CA10: variants seen among roughly 807,000 people sequenced by gnomAD.
CA10 encodes the protein carbonic anhydrase 10 (inactive), also known as carbonic anhydrase-related protein 10.
A neutral mutation model predicts 44.2 loss-of-function variants in CA10; 14 were observed. The ratio of observed to expected loss-of-function variants is 0.32; its 90% CI spans 0.21 to 0.50. The LOEUF (loss-of-function observed/expected upper bound fraction) is 0.50, where lower values mean the gene tolerates loss of function less well. Among genes scored for constraint, CA10 ranks in the 20% least tolerant of loss-of-function variants. The probability of loss-of-function intolerance (pLI) is 0.99; values close to 1 mark genes in which losing one functional copy is unlikely to be tolerated. For missense variants in CA10, 350 were observed against 409.7 expected (o/e 0.85, Z 1.26); for synonymous variants, 159 against 141.6 (o/e 1.12, Z -0.87).
chr17:51,894,376 C>A (rs1002749115), intron 3 of CA10, among the ~76,000 whole-genome samples: 2 of 152,072 alleles, frequency 1.3e-5, no homozygotes, highest in East Asian at 1.9e-4. Context: ...AGAGTGGGCA[C>A]TAGCATTAAA....
chr17:51,826,328 G>A (rs1023157925), intron 3 of CA10, among the ~76,000 whole-genome samples: 2 of 152,170 alleles, frequency 1.3e-5, no homozygotes, highest in Admixed American at 6.5e-5. Context: ...GGTTGGTTCC[G>A]GGAAATTCTG....
intron 3 of CA10, among the ~76,000 whole-genome samples, chr17:51,821,515 C>T (rs1313698552): frequency 6.6e-6 from 1 of 152,006 alleles, no homozygotes; most frequent in East Asian, 1.9e-4. Context: ...ATTACCAGCT[C>T]TCCCCAGAAC....
At chr17:51,881,196 C>T (rs575950060) in intron 3 of CA10, among the ~76,000 whole-genome samples, 2 of 146,402 alleles carry the variant, frequency 1.4e-5, no homozygotes, top group Admixed American at 1.4e-4. Context: ...GCCGAGATCA[C>T]GCCACTGCAC....
intron 4 of CA10, among the ~76,000 whole-genome samples, chr17:51,731,414 T>A (rs1303620357): frequency 6.6e-6 from 1 of 152,028 alleles, no homozygotes; most frequent in Admixed American, 6.6e-5. Context: ...GGTCAATGAG[T>A]AATCTGGAAC....
At chr17:51,693,206 G>T (rs1049183302) in intron 4 of CA10, among the ~76,000 whole-genome samples, 1 of 152,064 alleles carries the variant, frequency 6.6e-6, no homozygotes, top group African/African-American at 2.4e-5. Context: ...ACCAGTTTCA[G>T]TTGGCTTCAG....
intron 2 of CA10, among the ~76,000 whole-genome samples, chr17:52,053,321 G>A (rs1428504911): frequency 1.3e-5 from 2 of 151,848 alleles, no homozygotes; most frequent in Admixed American, 1.3e-4. Context: ...TTTAAAACAG[G>A]AACAAATAGA....
chr17:51,794,249 C>T (rs1364074222), intron 3 of CA10, among the ~76,000 whole-genome samples: 1 of 152,146 alleles, frequency 6.6e-6, no homozygotes, highest in East Asian at 1.9e-4. Context: ...GTTAACAGGG[C>T]ATTATGCTGC....
intron 4 of CA10, among the ~76,000 whole-genome samples, chr17:51,659,173 C>T (rs1597967991): frequency 6.6e-6 from 1 of 152,310 alleles, no homozygotes; most frequent in African/African-American, 2.4e-5. Flanking sequence ...GGGTGGGCAA[C>T]ATCCAATCTA....
intron 2 of CA10, chr17:52,070,666 A>T (rs888370322): frequency 6.6e-6 from 1 of 152,214 alleles, no homozygotes; most frequent in Non-Finnish European, 1.5e-5. Context: ...AGTGAGGAAA[A>T]GTTATTTTAT....
chr17:51,711,955 C>T lies in CA10; in HGVS notation c.465+35678G>A, dbSNP rs533778844. Among the ~76,000 whole-genome samples, 9 of 152,206 alleles carry T rather than the reference C, an allele frequency of 5.9e-5. No individual in the cohort carries two copies. In the South Asian group the frequency reaches 6.2e-4, roughly 11 times the overall value. Reference sequence around the variant, plus strand: ...CACAGCTGCTGGGGGAGAGGGGCAGCGGCTACCGATGGGATCTGGGCAGGA... The same window carrying T: ...CACAGCTGCTGGGGGAGAGGGGCAGTGGCTACCGATGGGATCTGGGCAGGA... On this transcript the variant is annotated intron_variant, in intron 4 of 8. Transcript: ENST00000451037.
At chr17:51,741,135 C>T (rs549027334) in intron 4 of CA10, among the ~76,000 whole-genome samples, 262 of 152,270 alleles carry the variant, frequency 1.7e-3, no homozygotes, top group African/African-American at 5.9e-3. Context: ...AGCATGTGAA[C>T]AGTGGCCAAG....
chr17:51,767,091 C>G (rs1354982755), intron 3 of CA10, among the ~76,000 whole-genome samples: 1 of 152,182 alleles, frequency 6.6e-6, no homozygotes, highest in Non-Finnish European at 1.5e-5. Flanking sequence ...TGAGTGTTTA[C>G]TAACTGCAAG....
chr17:52,153,874 C>A (rs949172197), intron 1 of CA10, among the ~76,000 whole-genome samples: 6 of 152,088 alleles, frequency 3.9e-5, no homozygotes, highest in Non-Finnish European at 8.8e-5. Context: ...GTTGATAGAA[C>A]AAACATGTGA....
At chr17:51,692,432 C>T (rs758858681) in intron 4 of CA10, among the ~76,000 whole-genome samples, 6,230 of 77,460 alleles carry the variant, frequency 0.08, 155 homozygotes, top group East Asian at 0.17. Context: ...TCTATTTTAC[C>T]ATTTACCATG....
chr17:51,759,362 G>C (rs1905157685), intron 3 of CA10, among the ~76,000 whole-genome samples: 2 of 143,168 alleles, frequency 1.4e-5, no homozygotes, highest in South Asian at 4.4e-4. Context: ...TTTGCTCTGT[G>C]TGTGTGTGTG....
chr17:51,908,796 G>A (rs1425712470), intron 3 of CA10, among the ~76,000 whole-genome samples: 3 of 152,110 alleles, frequency 2.0e-5, no homozygotes, highest in Non-Finnish European at 2.9e-5. Context: ...AACCCAGAGC[G>A]TCACCACTTA....
intron 4 of CA10, among the ~76,000 whole-genome samples, chr17:51,692,730 A>C (rs1301996013): frequency 6.6e-6 from 1 of 152,254 alleles, no homozygotes; most frequent in East Asian, 1.9e-4. Context: ...AAGTTTTCAC[A>C]ATTATGAATA....
intron 2 of CA10, among the ~76,000 whole-genome samples, chr17:52,063,977 A>C (rs1296514417): frequency 1.3e-5 from 2 of 152,242 alleles, no homozygotes; most frequent in Admixed American, 1.3e-4. Flanking sequence ...GCAGATGTGA[A>C]TAACGTTCTT....
intron 3 of CA10, among the ~76,000 whole-genome samples, chr17:51,850,229 A>C (rs1244093827): frequency 1.3e-5 from 2 of 152,240 alleles, no homozygotes; most frequent in Non-Finnish European, 2.9e-5. Flanking sequence ...GCAGCATGGC[A>C]TATGTATAAA....
Sources: allele counts gnomAD v4.1 joint callset (sites outside exome capture counted in the v4.1 genomes callset), GRCh38; gene constraint gnomAD v4.1.1; transcripts MANE v1.5; gene names NCBI Gene and HGNC (gene_info 2026-07-23, HGNC 2026-07-21).